The following CDH4 variants were observed in gnomAD, a reference collection of about 807,000 sequenced individuals.
CDH4 encodes the protein cadherin-4.
CDH4 carries 33 observed loss-of-function variants against 86.0 expected under a neutral mutation model. The observed-to-expected ratio is 0.38, with a 90% CI of 0.29 to 0.51. The LOEUF is 0.51. Ranked by LOEUF, CDH4 falls within the 20% of genes least tolerant of loss-of-function variation. CDH4 has a pLI of 0.86. For missense variants in CDH4, 1,114 were observed against 1,307.4 expected (o/e 0.85, Z 2.28); for synonymous variants, 555 against 549.4 (o/e 1.01, Z -0.14).
At chr20:61,374,646 A>C (rs1347846192) in intron 2 of CDH4, among the ~76,000 whole-genome samples, 1 of 152,242 alleles carries the variant, frequency 6.6e-6, no homozygotes, top group East Asian at 1.9e-4. Context: ...CTCCTAGGCC[A>C]GGGCTCTCTA....
chr20:61,806,450 C>T (rs950516351), intron 4 of CDH4, among the ~76,000 whole-genome samples: 49 of 152,360 alleles, frequency 3.2e-4, no homozygotes, highest in South Asian at 2.3e-3. Flanking sequence ...CGGCCGTGCA[C>T]ACCCAGGGTG....
At chr20:61,611,983 G>A (rs1238949085) in intron 2 of CDH4, among the ~76,000 whole-genome samples, 1 of 152,058 alleles carries the variant, frequency 6.6e-6, no homozygotes, top group Non-Finnish European at 1.5e-5. Context: ...GACATCTTCA[G>A]CTCATGCATT....
At chr20:61,543,542 A>G (rs2086055478) in intron 2 of CDH4, among the ~76,000 whole-genome samples, 1 of 152,230 alleles carries the variant, frequency 6.6e-6, no homozygotes, top group Non-Finnish European at 1.5e-5. Flanking sequence ...TACTTATGAC[A>G]TTGCCAAACC....
rs1260299308 is a variant in CDH4, at chr20:61,708,164, G to A, written c.170-35399G>A. Among the ~76,000 whole-genome samples, 1 of 152,144 alleles carries A rather than the reference G, an allele frequency of 6.6e-6. No homozygotes were observed. The highest frequency in any genetic ancestry group is 1.5e-5 in the Non-Finnish European group (1 of 67,998). On this transcript the variant is annotated intron_variant, in intron 2 of 15. Transcript: ENST00000614565. This position sits in a 1 kb window ranked among gnomAD's most constrained non-coding sequence, Gnocchi z 4.5. ...GCAGTGGTTTCAGGCAACAGCCCGGGAGGAAAACCTAGGAAGAAGGGCTGG... is the reference window on the plus strand; with the variant it reads ...GCAGTGGTTTCAGGCAACAGCCCGGAAGGAAAACCTAGGAAGAAGGGCTGG...
chr20:61,815,027 C>A (rs1425208840), intron 4 of CDH4, among the ~76,000 whole-genome samples: 1 of 152,190 alleles, frequency 6.6e-6, no homozygotes, highest in East Asian at 1.9e-4. Context: ...CCTATCCTGC[C>A]TGGCTTTCCG....
intron 8 of CDH4, among the ~76,000 whole-genome samples, chr20:61,903,901 G>T (rs968160220): frequency 1.3e-5 from 2 of 152,208 alleles, no homozygotes; most frequent in Non-Finnish European, 2.9e-5. Flanking sequence ...TGAGCCCAAG[G>T]TGCCCCTTCT....
intron 3 of CDH4, among the ~76,000 whole-genome samples, chr20:61,772,766 G>C (rs368640903): frequency 2.0e-5 from 3 of 151,800 alleles, no homozygotes; most frequent in Admixed American, 6.6e-5. Context: ...TCTTTTTCCC[G>C]CATTTAATTT....
intron 7 of CDH4, among the ~76,000 whole-genome samples, chr20:61,889,653 G>GTGA (rs1984715049): frequency 6.6e-6 from 1 of 150,894 alleles, no homozygotes; most frequent in Non-Finnish European, 1.5e-5. Context: ...ATGATGGATG[G>GTGA]GTGGATGGAT....
intron 4 of CDH4, among the ~76,000 whole-genome samples, chr20:61,776,288 G>A (rs916119941): frequency 3.9e-5 from 6 of 152,214 alleles, no homozygotes; most frequent in Non-Finnish European, 8.8e-5. Context: ...AGCCGGCACC[G>A]GGAGCTCTCC....
chr20:61,271,650 G>A (rs543544642), intron 2 of CDH4, among the ~76,000 whole-genome samples: 4 of 152,244 alleles, frequency 2.6e-5, no homozygotes, highest in East Asian at 1.9e-4. Flanking sequence ...TTCTTACAGC[G>A]GTGCGTGAAG....
chr20:61,762,593 C>G (rs2088648345), intron 3 of CDH4, among the ~76,000 whole-genome samples: 1 of 152,232 alleles, frequency 6.6e-6, no homozygotes, highest in South Asian at 2.1e-4. Flanking sequence ...TCTGTCCAGC[C>G]TGGAAGACAA....
At chr20:61,585,996 G>T (rs201138861) in intron 2 of CDH4, among the ~76,000 whole-genome samples, 2 of 53,022 alleles carry the variant, frequency 3.8e-5, no homozygotes, top group African/African-American at 5.4e-5. Flanking sequence ...TGGTGATGAT[G>T]ATGATGGTGA....
chr20:61,539,775 A>T (rs1374568400), intron 2 of CDH4, among the ~76,000 whole-genome samples: 4 of 152,340 alleles, frequency 2.6e-5, no homozygotes, highest in African/African-American at 9.6e-5. Flanking sequence ...GAGGGAGCAG[A>T]GCAGGGACAC....
In CDH4 at chr20:61,681,873, C is replaced by T. The variant is rs1426517523; in HGVS notation, c.170-61690C>T. ...GGTGTGTGGTGTATACGGGAGCAAG[C>T]AGGTTCAGCAGAAAATGACGTGATG... is the stretch of plus-strand genomic sequence containing the variant. On this transcript the variant is annotated intron_variant, in intron 2 of 15. Transcript: ENST00000614565. This position sits in a 1 kb window ranked among gnomAD's most constrained non-coding sequence, Gnocchi z 4.5. 1.3e-5 allele frequency among the ~76,000 whole-genome samples: 2 copies of T among 152,172 alleles called. No individual in the cohort carries two copies. The highest frequency in any genetic ancestry group is 2.9e-5 in the Non-Finnish European group (2 of 68,042).
chr20:61,451,801 C>T (rs2085382494), intron 2 of CDH4, among the ~76,000 whole-genome samples: 1 of 152,092 alleles, frequency 6.6e-6, no homozygotes, highest in Non-Finnish European at 1.5e-5. Context: ...GGGATCCCAG[C>T]ATACAAGCTT....
At position 61,515,933 on chromosome 20, in the gene CDH4, C is replaced by T. The variant is rs553071042; in HGVS notation, c.170-227630C>T. On this transcript the variant is annotated intron_variant, in intron 2 of 15. Coordinates refer to ENST00000614565, the MANE Select transcript of CDH4 (RefSeq NM_001794.5). Reference sequence around the variant, plus strand: ...CCCCTGGAGTCTATCCCCCCCATCCCGCAGTCTATCCTGCCATCCCTCACC... The same window carrying T: ...CCCCTGGAGTCTATCCCCCCCATCCTGCAGTCTATCCTGCCATCCCTCACC... Among the ~76,000 whole-genome samples, 361 of 152,216 alleles carry T rather than the reference C, an allele frequency of 2.4e-3. 1 individual carries two copies. Among genetic ancestry groups the T allele is most frequent in the African/African-American group, 8.3e-3 (346 of 41,524 alleles).
At chr20:61,335,604 A>G (rs1478263796) in intron 2 of CDH4, among the ~76,000 whole-genome samples, 1 of 152,188 alleles carries the variant, frequency 6.6e-6, no homozygotes, top group East Asian at 1.9e-4. Context: ...GATTTCCGTC[A>G]AGAAAATTCA....
intron 6 of CDH4, among the ~76,000 whole-genome samples, chr20:61,853,517 G>A (rs1223066475): frequency 6.6e-6 from 1 of 152,162 alleles, no homozygotes; most frequent in Non-Finnish European, 1.5e-5. Flanking sequence ...GGCACCGGTG[G>A]TGGCGCCTGC....
chr20:61,532,679 T>A (rs749079623), intron 2 of CDH4, among the ~76,000 whole-genome samples: 3 of 152,082 alleles, frequency 2.0e-5, no homozygotes, highest in Non-Finnish European at 4.4e-5. Flanking sequence ...GATCAGCCAA[T>A]GTTTTAAGGT....
Sources: gnomAD v4.1 joint callset for allele counts (sites outside exome capture counted in the v4.1 genomes callset) on GRCh38, gnomAD v4.1.1 for gene constraint, Gnocchi (gnomAD v3.1) non-coding constraint, MANE v1.5 for transcripts, NCBI Gene and HGNC (gene_info 2026-07-23, HGNC 2026-07-21) for gene names.